The following CSF3R variants were observed in gnomAD, a reference collection of about 807,000 sequenced individuals.
The protein encoded by CSF3R is colony stimulating factor 3 receptor.
Under a neutral mutation model 84.4 loss-of-function variants are expected in CSF3R, and 52 were observed. The ratio of observed to expected loss-of-function variants is 0.62; its 90% confidence interval spans 0.49 to 0.78. The LOEUF is 0.78. Ranked by LOEUF, CSF3R falls within the 30% of genes least tolerant of loss-of-function variation. CSF3R has a pLI of 0.00. For missense variants in CSF3R, 890 were observed against 1,055.7 expected (o/e 0.84, Z 2.17); for synonymous variants, 384 against 429.1 (o/e 0.89, Z 1.30).
In CSF3R at chr1:36,472,484, ACCTCAGGCTCTCCAGGTTGC is replaced by A. The variant is rs774030694; in HGVS notation, c.843+13_843+32del. 6.2e-6 allele frequency: 10 copies of A among 1,613,940 alleles called. No individual in the cohort carries two copies. Among genetic ancestry groups the A allele is most frequent in the Non-Finnish European group, 8.5e-6 (10 of 1,179,964 alleles). Reference sequence around the variant, plus strand: ...ACTTACCCTGCCCCCTGCCCCCACCACCTCAGGCTCTCCAGGTTGCCCTCTGCCTCACCAGTGCCCAGCTG... The same window carrying A: ...ACTTACCCTGCCCCCTGCCCCCACCACCTCTGCCTCACCAGTGCCCAGCTG... On this transcript the variant is annotated intron_variant, in intron 7 of 16. Coordinates refer to ENST00000373106, the MANE Select transcript of CSF3R (RefSeq NM_000760.4). This position sits in a 1 kb window ranked among gnomAD's most constrained non-coding sequence, Gnocchi z 5.0.
chr1:36,472,702 C>T lies in CSF3R; in HGVS notation c.674-16G>A. 1 of 1,577,236 alleles carries T rather than the reference C, an allele frequency of 6.3e-7. No homozygotes were observed. The highest frequency in any genetic ancestry group is 8.6e-7 in the Non-Finnish European group (1 of 1,159,324). ...TCCAGTTTCACTGCAAGGAGTGGGG[C>T]TGTCAGAAGGTCTCCCTATCCCACC... On this transcript the variant is annotated splice_polypyrimidine_tract_variant and intron_variant, in intron 6 of 16. Coordinates refer to ENST00000373106, the MANE Select transcript of CSF3R (RefSeq NM_000760.4). The surrounding 1 kb of genome is among the most constrained non-coding windows in gnomAD (Gnocchi z 5.0).
At chr1:36,471,140 G>A (rs1650694848) in intron 10 of CSF3R, among the ~76,000 whole-genome samples, 1 of 152,076 alleles carries the variant, frequency 6.6e-6, no homozygotes, top group African/African-American at 2.4e-5. Context: ...CTGCCTCCCA[G>A]GTTCAAGCAA....
chr1:36,478,989 G>A, intron 3 of CSF3R: 1 of 299,494 alleles, frequency 3.3e-6, no homozygotes, highest in Non-Finnish European at 6.6e-6. Context: ...GCTTTAGCTT[G>A]CATACCCCTG....
intron 12 of CSF3R, chr1:36,468,699 C>G: frequency 4.2e-6 from 1 of 236,614 alleles, no homozygotes; most frequent in Non-Finnish European, 8.4e-6. Flanking sequence ...TCACTGCACC[C>G]AGCTAATTTT....
intron 4 of CSF3R, among the ~76,000 whole-genome samples, chr1:36,474,365 G>GCAGTGTTACATATGTTATGTTAAAAGCTA (rs1251324290): frequency 4.1e-5 from 6 of 145,288 alleles, no homozygotes; most frequent in African/African-American, 1.5e-4. Context: ...TGCTATGTAA[G>GCAGTGTTACATATGTTATGTTAAAAGCTA]TGTTAGCAGT....
chr1:36,471,000 A>G (rs3917984), intron 10 of CSF3R, among the ~76,000 whole-genome samples: 38,346 of 152,064 alleles, frequency 0.25, 6,104 homozygotes, highest in Middle Eastern at 0.4. Context: ...GATGGGAGGT[A>G]ACTTACTCAG....
At position 36,467,159 on chromosome 1, in the gene CSF3R, C is replaced by T; in HGVS notation, c.2040+71G>A. On this transcript the variant is annotated intron_variant, in intron 16 of 16. Transcript: ENST00000373106. This position sits in a 1 kb window ranked among gnomAD's most constrained non-coding sequence, Gnocchi z 4.1. ...ACAGGAAGGCCTGAGTACTTGGCTTCAGAAGGTGTCCCTTCACTGAGCCTG... is the reference window on the plus strand; with the variant it reads ...ACAGGAAGGCCTGAGTACTTGGCTTTAGAAGGTGTCCCTTCACTGAGCCTG... 1.3e-6 allele frequency: 2 copies of T among 1,529,926 alleles called. No individual in the cohort carries two copies. Among genetic ancestry groups the T allele is most frequent in the Non-Finnish European group, 9.1e-7 (1 of 1,103,418 alleles). 94.8% of individuals were successfully genotyped at this position (1,529,926 alleles called of 1,614,324 possible). A position where few individuals can be genotyped will look rare whatever the true frequency, so the allele number is the denominator to read the frequency against.
At chr1:36,473,041 C>A in intron 6 of CSF3R, 1 of 400,968 alleles carries the variant, frequency 2.5e-6, no homozygotes, top group Non-Finnish European at 4.5e-6. Context: ...CTCTCTATGC[C>A]CTTCTCCTCC....
intron 2 of CSF3R, among the ~76,000 whole-genome samples, chr1:36,481,180 T>C (rs1651496386): frequency 6.6e-6 from 1 of 152,204 alleles, no homozygotes; most frequent in African/African-American, 2.4e-5. Flanking sequence ...CAGGGTCAGC[T>C]TCAGGCCCAG....
intron 3 of CSF3R, among the ~76,000 whole-genome samples, chr1:36,478,714 C>T (rs1240452300): frequency 6.6e-6 from 1 of 150,594 alleles, no homozygotes; most frequent in African/African-American, 2.5e-5. Flanking sequence ...AAAAAATTAG[C>T]TGGGTGTGGT....
chr1:36,472,029 G>A lies in CSF3R; in HGVS notation c.1071+37C>T. 1.2e-6 allele frequency: 2 copies of A among 1,600,026 alleles called. No individual in the cohort carries two copies. Among genetic ancestry groups the A allele is most frequent in the Non-Finnish European group, 1.7e-6 (2 of 1,170,078 alleles). On this transcript the variant is annotated intron_variant, in intron 9 of 16. Transcript: ENST00000373106. The surrounding 1 kb of genome is among the most constrained non-coding windows in gnomAD (Gnocchi z 5.0). ...TAGGGATCTGTTTGGACTGCGGGAGGTGTCGAGGTGGAGGGATGGCCTTCA... is the reference window on the plus strand; with the variant it reads ...TAGGGATCTGTTTGGACTGCGGGAGATGTCGAGGTGGAGGGATGGCCTTCA...
At chr1:36,470,893 G>T (rs1373082845) in intron 10 of CSF3R, among the ~76,000 whole-genome samples, 1 of 152,166 alleles carries the variant, frequency 6.6e-6, no homozygotes, top group Non-Finnish European at 1.5e-5. Flanking sequence ...CAGTTACTTT[G>T]TGCCAGGCAC....
chr1:36,481,310 C>T (rs1651504122), intron 2 of CSF3R, among the ~76,000 whole-genome samples, 168 bp downstream of exon 2: 1 of 152,236 alleles, frequency 6.6e-6, no homozygotes, highest in African/African-American at 2.4e-5. Flanking sequence ...CCTGCTTGGC[C>T]TCAGTCTCTG....
In CSF3R at chr1:36,472,149, G is replaced by A; in HGVS notation, c.998-10C>T. On this transcript the variant is annotated splice_polypyrimidine_tract_variant and intron_variant, in intron 8 of 16. Transcript: ENST00000373106. The surrounding 1 kb of genome is among the most constrained non-coding windows in gnomAD (Gnocchi z 5.0). The stretch of plus-strand genomic sequence containing the variant: ...AGTCTGACAGTGGGGGCTGTGGATG[G>A]AACAAGAAGAGGGGGTGCCAGTTGG... The A allele has an allele frequency of 6.2e-7, 1 of 1,613,974 alleles. No homozygotes were observed. Among genetic ancestry groups the A allele is most frequent in the Non-Finnish European group, 8.5e-7 (1 of 1,180,000 alleles).
At chr1:36,477,919 C>T (rs1362804386) in intron 3 of CSF3R, among the ~76,000 whole-genome samples, 8 of 151,926 alleles carry the variant, frequency 5.3e-5, no homozygotes, top group African/African-American at 1.9e-4. Flanking sequence ...GCACCATGCC[C>T]GGCTAATTTT....
rs75005189 is a variant in CSF3R, at chr1:36,470,822, T to A, written c.1285+611A>T. ...AATGGGCTGTGAGTGTGTGTGTGTG[T>A]GAGAGAGAGAGCTTAACCTGGTCTG... On this transcript the variant is annotated intron_variant, in intron 10 of 16. Transcript: ENST00000373106. Among the ~76,000 whole-genome samples the A allele has an allele frequency of 5.1e-3, 776 of 152,022 alleles. 4 individuals carry two copies. The highest frequency in any genetic ancestry group is 0.018 in the African/African-American group (742 of 41,474).
At chr1:36,479,025 A>T (rs753791742) in intron 3 of CSF3R, 3 of 340,074 alleles carry the variant, frequency 8.8e-6, no homozygotes, top group Non-Finnish European at 1.7e-5. Context: ...CTACCTCTCA[A>T]GACAGAGTTT....
intron 5 of CSF3R, 51 bp from the exon 6 acceptor site, chr1:36,473,673 C>T (rs746077018): frequency 6.2e-7 from 1 of 1,613,912 alleles, no homozygotes; most frequent in South Asian, 1.1e-5. Flanking sequence ...AGCGAGGCTC[C>T]CTTCTCCCTC....
In CSF3R at chr1:36,466,373, G is replaced by A. The variant is rs372972496; in HGVS notation, c.2495C>T (p.Ala832Val). Reference protein sequence around the residue: ...LQGIRVHGMEALGSF With the variant: ...LQGIRVHGMEVLGSF ...CAGGAAGCCCTAGAAGCTCCCCAGC[G>A]CCTCCATCCCATGGACCCGGATCCC... The change falls in exon 17 of 17, where the codon GCG becomes GTG. Residue 832 changes from alanine (A) to valine (V), a missense_variant. By Grantham distance (64) the Ala-to-Val change is moderately conservative. Transcript: ENST00000373106. The surrounding 1 kb of genome is among the most constrained non-coding windows in gnomAD (Gnocchi z 4.6). The A allele has an allele frequency of 1.9e-5, 31 of 1,612,912 alleles. No homozygotes were observed. The highest frequency in any genetic ancestry group is 5.0e-5 in the Admixed American group (3 of 59,990).
Sources: gnomAD v4.1 joint callset for allele counts (sites outside exome capture counted in the v4.1 genomes callset) on GRCh38, gnomAD v4.1.1 for gene constraint, Gnocchi (gnomAD v3.1) non-coding constraint, MANE v1.5 for transcripts, NCBI Gene and HGNC (gene_info 2026-07-23, HGNC 2026-07-21) for gene names.